PDE4B: variants seen among roughly 807,000 people sequenced by gnomAD.
PDE4B encodes phosphodiesterase 4B, also known as 3',5'-cyclic-AMP phosphodiesterase 4B.
Under a neutral mutation model 82.2 loss-of-function variants are expected in PDE4B, and 20 were observed. That is an observed-to-expected ratio of 0.24 (90% CI 0.17 to 0.35). PDE4B has a LOEUF of 0.35. PDE4B is among the 10% of genes least tolerant of loss of function. The pLI is 1.00. For synonymous variants in PDE4B, 320 were observed against 318.9 expected (o/e 1.00, Z -0.04); for missense variants, 655 against 907.2 (o/e 0.72, Z 3.57).
chr1:65,894,783 T>G (rs1466030364), intron 1 of PDE4B, among the ~76,000 whole-genome samples: 1 of 152,104 alleles, frequency 6.6e-6, no homozygotes, highest in Non-Finnish European at 1.5e-5. Context: ...CATTGTTAGT[T>G]CTTAGGGAAA....
At chr1:66,233,315 T>A (rs1652138807) in intron 3 of PDE4B, among the ~76,000 whole-genome samples, 1 of 152,244 alleles carries the variant, frequency 6.6e-6, no homozygotes, top group African/African-American at 2.4e-5. Flanking sequence ...CAGTAGTGCA[T>A]TCTTATTTAT....
upstream of PDE4B, chr1:65,792,623 T>A (rs1006544949): frequency 1.3e-5 from 2 of 151,310 alleles, no homozygotes; most frequent in African/African-American, 4.9e-5. Context: ...TTGCAGGAGG[T>A]CTGTGAGGTA....
At chr1:66,279,361 A>T (rs922330209) in intron 7 of PDE4B, among the ~76,000 whole-genome samples, 1 of 152,158 alleles carries the variant, frequency 6.6e-6, no homozygotes, top group African/African-American at 2.4e-5. Context: ...CTAGACTCTG[A>T]TTGTGAGTTT....
At chr1:65,967,075 G>A (rs1175043618) in intron 3 of PDE4B, among the ~76,000 whole-genome samples, 2 of 152,102 alleles carry the variant, frequency 1.3e-5, no homozygotes, top group African/African-American at 4.8e-5. Context: ...CACAGCAAAA[G>A]AAACTATCAT....
At chr1:66,108,470 T>C (rs1645417554) in intron 3 of PDE4B, among the ~76,000 whole-genome samples, 1 of 152,056 alleles carries the variant, frequency 6.6e-6, no homozygotes, top group South Asian at 2.1e-4. Context: ...CTAAAAAGCT[T>C]CTGCACAGCA....
At chr1:66,327,590 C>T (rs533340599) in intron 7 of PDE4B, among the ~76,000 whole-genome samples, 1 of 152,168 alleles carries the variant, frequency 6.6e-6, no homozygotes, top group Non-Finnish European at 1.5e-5. Context: ...TTCTCTGATT[C>T]TACCTTTCCC....
At chr1:66,054,657 G>T (rs986217718) in intron 3 of PDE4B, among the ~76,000 whole-genome samples, 1 of 152,286 alleles carries the variant, frequency 6.6e-6, no homozygotes, top group Non-Finnish European at 1.5e-5. Context: ...TTGTAGTACA[G>T]ATTGATATTT....
chr1:66,197,661 C>T (rs1204206174), intron 3 of PDE4B, among the ~76,000 whole-genome samples: 3 of 152,100 alleles, frequency 2.0e-5, no homozygotes, highest in Non-Finnish European at 4.4e-5. Context: ...AATCCCCAAT[C>T]TACATCTTGG....
At chr1:65,953,227 A>G (rs1649091519) in intron 3 of PDE4B, among the ~76,000 whole-genome samples, 1 of 152,076 alleles carries the variant, frequency 6.6e-6, no homozygotes. Flanking sequence ...CAGGAGTACA[A>G]ATGGAAGGCC....
intron 1 of PDE4B, among the ~76,000 whole-genome samples, chr1:65,887,412 C>CTTTTT (rs1285765740): frequency 1.0e-3 from 7 of 6,920 alleles, no homozygotes; most frequent in Non-Finnish European, 1.4e-3. Context: ...TCTTTTTCTT[C>CTTTTT]TGTTTTTTTT....
chr1:65,857,908 T>A (rs1646411666), intron 1 of PDE4B, among the ~76,000 whole-genome samples: 1 of 152,032 alleles, frequency 6.6e-6, no homozygotes, highest in African/African-American at 2.4e-5. Flanking sequence ...TTTTTCTCTC[T>A]AGACTTCACA....
chr1:66,210,484 T>C (rs1365234480), intron 3 of PDE4B, among the ~76,000 whole-genome samples: 2 of 148,760 alleles, frequency 1.3e-5, no homozygotes, highest in African/African-American at 5.0e-5. Flanking sequence ...TAGTCCCGGC[T>C]ACTTGGGAGA....
At chr1:66,068,202 T>G (rs1655968532) in intron 3 of PDE4B, among the ~76,000 whole-genome samples, 1 of 151,478 alleles carries the variant, frequency 6.6e-6, no homozygotes, top group South Asian at 2.1e-4. Flanking sequence ...ACAACACAAC[T>G]TGGAGAACTA....
intron 1 of PDE4B, among the ~76,000 whole-genome samples, chr1:65,867,876 C>G (rs1390828885): frequency 1.3e-5 from 2 of 152,184 alleles, no homozygotes; most frequent in Non-Finnish European, 2.9e-5. Flanking sequence ...CATACTTGAT[C>G]TTACCATCTG....
chr1:66,053,167 A>G (rs1164663217), intron 3 of PDE4B, among the ~76,000 whole-genome samples: 1 of 152,200 alleles, frequency 6.6e-6, no homozygotes, highest in African/African-American at 2.4e-5. Context: ...ATGCCTTAAT[A>G]ATATTTTATA....
chr1:66,215,830 T>C (rs560624816), intron 3 of PDE4B, among the ~76,000 whole-genome samples: 2 of 152,228 alleles, frequency 1.3e-5, no homozygotes, highest in Admixed American at 6.5e-5. Flanking sequence ...AAAGGGATGA[T>C]ACATCCCCAG....
intron 1 of PDE4B, among the ~76,000 whole-genome samples, chr1:65,910,551 G>C (rs1647078270): frequency 6.6e-6 from 1 of 152,182 alleles, no homozygotes. Flanking sequence ...AGCTGAAAGA[G>C]AGTTTAATGG....
intron 7 of PDE4B, among the ~76,000 whole-genome samples, chr1:66,320,284 A>G (rs571015107): frequency 6.6e-5 from 10 of 152,248 alleles, no homozygotes; most frequent in Non-Finnish European, 1.2e-4. Context: ...CTCTTGGTGC[A>G]CAGAGACTTG....
chr1:66,210,064 C>T (rs543205427), intron 3 of PDE4B, among the ~76,000 whole-genome samples: 1 of 152,248 alleles, frequency 6.6e-6, no homozygotes, highest in African/African-American at 2.4e-5. Flanking sequence ...GAAGGATTCT[C>T]TGATTGTTCT....
Sources: gnomAD v4.1 joint callset for allele counts (sites outside exome capture counted in the v4.1 genomes callset) on GRCh38, gnomAD v4.1.1 for gene constraint, MANE v1.5 for transcripts, NCBI Gene and HGNC (gene_info 2026-07-23, HGNC 2026-07-21) for gene names.